LONP2: variants seen among roughly 807,000 people sequenced by gnomAD.
LONP2 encodes lon peptidase 2, peroxisomal, also known as lon protease homolog 2, peroxisomal.
In LONP2, 60 loss-of-function variants were observed where a neutral mutation model predicts 85.6. The observed-to-expected ratio is 0.70, with a 90% confidence interval of 0.57 to 0.87. LONP2 has a LOEUF of 0.87. Among genes scored for constraint, LONP2 ranks in the 40% least tolerant of loss-of-function variants. The pLI is 0.00. For missense variants in LONP2, 860 were observed against 1,063.5 expected, an observed-to-expected ratio of 0.81 and a Z score of 2.66; for synonymous variants, 395 against 389.7, an observed-to-expected ratio of 1.01 and a Z score of -0.16.
At chr16:48,359,971 A>G (rs1013956112), downstream of LONP2, among the ~76,000 whole-genome samples, 7 of 152,322 alleles carry the variant, frequency 4.6e-5, no homozygotes, top group Admixed American at 3.9e-4. Context: ...ATGTGCCTCA[A>G]AGTAATTAGC....
chr16:48,359,308 T>C (rs1307638158), downstream of LONP2, among the ~76,000 whole-genome samples: 1 of 152,224 alleles, frequency 6.6e-6, no homozygotes, highest in Non-Finnish European at 1.5e-5. Context: ...CATATTATAA[T>C]GTAACCCTTT....
chr16:48,361,201 G>A (rs182738125), downstream of LONP2: 16 of 204,086 alleles, frequency 7.8e-5, no homozygotes, highest in Middle Eastern at 2.4e-3. Flanking sequence ...GTCAGTTAAA[G>A]GAAAAAAACC....
intron 1 of LONP2, among the ~76,000 whole-genome samples, chr16:48,248,837 G>A (rs894284070): frequency 6.8e-6 from 1 of 146,174 alleles, no homozygotes; most frequent in Non-Finnish European, 1.5e-5. Flanking sequence ...AGCTATAATC[G>A]TACCACTGCA....
chr16:48,257,110 G>A (rs1227905391), intron 3 of LONP2, among the ~76,000 whole-genome samples: 2 of 152,048 alleles, frequency 1.3e-5, no homozygotes, highest in Non-Finnish European at 2.9e-5. Context: ...TCAGGAGTTC[G>A]AGACCAGCCT....
intron 11 of LONP2, among the ~76,000 whole-genome samples, chr16:48,317,503 G>A (rs1973170954): frequency 6.6e-6 from 1 of 152,182 alleles, no homozygotes; most frequent in Non-Finnish European, 1.5e-5. Flanking sequence ...CTTTTGTTTT[G>A]TAGCTTTAGG....
intron 12 of LONP2, among the ~76,000 whole-genome samples, chr16:48,342,059 A>G (rs550574813): frequency 6.6e-6 from 1 of 152,300 alleles, no homozygotes; most frequent in Admixed American, 6.5e-5. Context: ...AGGAACGGAC[A>G]TTAGGCACCT....
chr16:48,293,026 T>C (rs771382273), intron 8 of LONP2, among the ~76,000 whole-genome samples: 6 of 152,222 alleles, frequency 3.9e-5, no homozygotes, highest in Non-Finnish European at 8.8e-5. Flanking sequence ...TTAAAAACGC[T>C]AGTGTCTTAA....
In LONP2 at chr16:48,355,953, C is replaced by T. The variant is rs963348669; in HGVS notation, c.*4151C>T. 6.6e-6 allele frequency: 1 copy of T among 151,808 alleles called. No individual in the cohort carries two copies. The highest frequency in any genetic ancestry group is 2.4e-5 in the African/African-American group (1 of 41,130). The allele number at this position is 151,808 out of a possible 1,614,324, so 9.4% of individuals were successfully genotyped here. On this transcript the variant is annotated 3_prime_UTR_variant, in exon 15 of 15. Transcript: ENST00000285737. ...GTATTAAAACTAAAAGCTTTAGGTG[C>T]TTTGCTTATCAAGAAATCCTACACT...
chr16:48,346,238 A>C (rs1294354007), intron 12 of LONP2, among the ~76,000 whole-genome samples: 1 of 152,198 alleles, frequency 6.6e-6, no homozygotes, highest in African/African-American at 2.4e-5. Flanking sequence ...TCTCAGTAGA[A>C]AAATCTCCTG....
chr16:48,299,530 C>T (rs1972755396), intron 9 of LONP2, 132 bp from the exon 10 acceptor site: 3 of 829,924 alleles, frequency 3.6e-6, no homozygotes, highest in East Asian at 2.9e-5. Context: ...TGTAGTGAGC[C>T]GAGATCACGC....
At position 48,362,546 on chromosome 16, in the gene LONP2, A is replaced by G. The variant is rs1019348510; in HGVS notation, c.*683A>G. On this transcript the variant is annotated 3_prime_UTR_variant, in exon 5 of 5. Coordinates refer to the LONP2 transcript ENST00000565867. The surrounding 1 kb of genome is among the most constrained non-coding windows in gnomAD (Gnocchi z 4.2). ...AGTTTCATACAAAATTTACTGAGCAAAAGAGGAAGAAAAATAGGATTAAAA... is the reference window on the plus strand; with the variant it reads ...AGTTTCATACAAAATTTACTGAGCAGAAGAGGAAGAAAAATAGGATTAAAA... 5.1e-6 allele frequency: 5 copies of G among 984,856 alleles called. No individual in the cohort carries two copies. Among genetic ancestry groups the G allele is most frequent in the South Asian group, 1.7e-5 (1 of 59,970 alleles). The allele number at this position is 984,856 out of a possible 1,614,324, so 61.0% of individuals were successfully genotyped here. A position where few individuals can be genotyped will look rare whatever the true frequency, so the allele number is the denominator to read the frequency against.
intron 7 of LONP2, among the ~76,000 whole-genome samples, chr16:48,275,840 A>G (rs1972197052): frequency 6.6e-6 from 1 of 152,152 alleles, no homozygotes; most frequent in Non-Finnish European, 1.5e-5. Context: ...AATTGCTTAT[A>G]TACAGTGTGA....
chr16:48,274,669 C>T (rs966164673), intron 7 of LONP2, among the ~76,000 whole-genome samples: 1 of 151,600 alleles, frequency 6.6e-6, no homozygotes, highest in South Asian at 2.1e-4. Flanking sequence ...CACCCACCCA[C>T]ACCCACACCC....
chr16:48,274,507 A>G (rs939145815), intron 7 of LONP2, among the ~76,000 whole-genome samples: 1 of 152,148 alleles, frequency 6.6e-6, no homozygotes, highest in African/African-American at 2.4e-5. Context: ...AAGATTTAGG[A>G]ATGACTACCA....
intron 12 of LONP2, among the ~76,000 whole-genome samples, chr16:48,343,274 C>T (rs1298867195): frequency 6.6e-6 from 1 of 151,972 alleles, no homozygotes; most frequent in African/African-American, 2.4e-5. Flanking sequence ...TTGGAAGGGT[C>T]ACAAAGAGTT....
chr16:48,294,078 A>G (rs1972616707), intron 8 of LONP2, among the ~76,000 whole-genome samples: 2 of 152,198 alleles, frequency 1.3e-5, no homozygotes, highest in South Asian at 4.1e-4. Flanking sequence ...CTGGAGCTAC[A>G]GGCATGTGCC....
At chr16:48,262,675 A>G (rs766480094) in intron 5 of LONP2, 103 bp from the exon 6 acceptor site, 6 of 663,362 alleles carry the variant, frequency 9.0e-6, no homozygotes, top group Non-Finnish European at 1.6e-5. Flanking sequence ...TTGTTTAAAC[A>G]TGCATGATAT....
intron 1 of LONP2, among the ~76,000 whole-genome samples, chr16:48,248,287 ATT>A (rs111725492): frequency 7.6e-4 from 88 of 116,450 alleles, no homozygotes; most frequent in Admixed American, 1.0e-3. Context: ...ATGCCTAGCT[ATT>A]TTTTTTTTTT....
In LONP2 at chr16:48,362,774, C is replaced by G. The variant is rs1567367401; in HGVS notation, c.*911C>G. 8 of 223,924 alleles carry G rather than the reference C, an allele frequency of 3.6e-5. No homozygotes were observed. In the East Asian group the frequency reaches 1.2e-3, roughly 32 times the overall value. 13.9% of individuals were successfully genotyped at this position (223,924 alleles called of 1,614,324 possible). A position where few individuals can be genotyped will look rare whatever the true frequency, so the allele number is the denominator to read the frequency against. On this transcript the variant is annotated 3_prime_UTR_variant, in exon 5 of 5. Coordinates refer to the LONP2 transcript ENST00000565867. This position sits in a 1 kb window ranked among gnomAD's most constrained non-coding sequence, Gnocchi z 4.2. ...ACTATACAAGGAACTGAAGTTTAATCGAATCCGTTTTGCTAGGACTCTCCC... is the reference window on the plus strand; with the variant it reads ...ACTATACAAGGAACTGAAGTTTAATGGAATCCGTTTTGCTAGGACTCTCCC...
Sources: gnomAD v4.1 joint callset for allele counts (sites outside exome capture counted in the v4.1 genomes callset) on GRCh38, gnomAD v4.1.1 for gene constraint, Gnocchi (gnomAD v3.1) non-coding constraint, MANE v1.5 for transcripts, NCBI Gene and HGNC (gene_info 2026-07-23, HGNC 2026-07-21) for gene names.